The following DMXL2 variants were observed in gnomAD, a reference collection of about 807,000 sequenced individuals.
DMXL2 encodes the protein Dmx like 2.
In DMXL2, 103 loss-of-function variants were observed where a neutral mutation model predicts 331.1. That is an observed-to-expected ratio of 0.31 (90% CI 0.27 to 0.37). The LOEUF (loss-of-function observed/expected upper bound fraction) is 0.37, where lower values mean the gene tolerates loss of function less well. Among genes scored for constraint, DMXL2 ranks in the 10% least tolerant of loss-of-function variants. DMXL2 has a pLI of 1.00. For missense variants in DMXL2, 3,171 were observed against 3,642.9 expected, an observed-to-expected ratio of 0.87 and a Z score of 3.33; for synonymous variants, 1,281 against 1,252.1, an observed-to-expected ratio of 1.02 and a Z score of -0.49.
intron 13 of DMXL2, among the ~76,000 whole-genome samples, chr15:51,533,257 A>T (rs1355675631): frequency 6.6e-6 from 1 of 152,154 alleles, no homozygotes; most frequent in Non-Finnish European, 1.5e-5. Flanking sequence ...TCATGGGGTC[A>T]AGCAATCTTC....
intron 1 of DMXL2, among the ~76,000 whole-genome samples, chr15:51,582,858 T>C (rs2051536683): frequency 6.6e-6 from 1 of 151,938 alleles, no homozygotes. Context: ...AATAAGAAAA[T>C]GAAGTCACCT....
In DMXL2 at chr15:51,471,368, T is replaced by C; in HGVS notation, c.7247A>G (p.His2416Arg). 1 of 1,612,840 alleles carries C rather than the reference T, an allele frequency of 6.2e-7. No individual in the cohort carries two copies. The highest frequency in any genetic ancestry group is 8.5e-7 in the Non-Finnish European group (1 of 1,179,296). ...CATTCTCATGTTAAATCTCCTACGG[T>C]GTTTATCTATGTCTTCAGAAAGGAC... ...PPVLSEDIDKHRRRFNMRMLV... is the reference protein window; with the variant it reads ...PPVLSEDIDKRRRRFNMRMLV... Residue 2416 changes from histidine (H) to arginine (R), a missense_variant, in exon 29 of 44, where the codon CAC (histidine) becomes CGC (arginine). Around this residue, in one of 7 missense-constraint regions of DMXL2, gnomAD observed 766 missense variants for 940.5 expected, o/e 0.81. Transcript: ENST00000560891.
At chr15:51,528,442 G>A (rs1289131006) in intron 13 of DMXL2, among the ~76,000 whole-genome samples, 3 of 152,000 alleles carry the variant, frequency 2.0e-5, no homozygotes, top group African/African-American at 4.8e-5. Flanking sequence ...ATATCAGACA[G>A]ATATACTGAT....
chr15:51,589,698 T>C lies in DMXL2; in HGVS notation c.88-13517A>G, dbSNP rs74341551. ...GCATTAGATAGCTAAATGTACTTTT[T>C]TTCAGCCTTTAATAAAGTATAGAAA... is the stretch of plus-strand genomic sequence containing the variant. On this transcript the variant is annotated intron_variant, in intron 1 of 43. Transcript: ENST00000560891. 9.5e-3 allele frequency among the ~76,000 whole-genome samples: 1,449 copies of C among 152,336 alleles called. 18 individuals carry two copies. The highest frequency in any genetic ancestry group is 0.033 in the African/African-American group (1,379 of 41,566).
intron 32 of DMXL2, 87 bp from the exon 33 acceptor site, chr15:51,463,583 A>T (rs1595902427): frequency 1.3e-6 from 1 of 760,964 alleles, no homozygotes; most frequent in African/African-American, 1.8e-5. Flanking sequence ...AAACCTTCAC[A>T]ATCTATTGCA....
intron 6 of DMXL2, among the ~76,000 whole-genome samples, chr15:51,560,325 G>A (rs1366261893): frequency 1.3e-5 from 2 of 151,952 alleles, no homozygotes; most frequent in African/African-American, 4.8e-5. Flanking sequence ...CCAACTGGGG[G>A]AGGAGTAGTA....
chr15:51,488,770 C>G, intron 20 of DMXL2, 125 bp from the exon 21 acceptor site: 1 of 729,870 alleles, frequency 1.4e-6, no homozygotes, highest in East Asian at 2.8e-5. Context: ...AAAGTTGGTT[C>G]TGTTTCACAA....
chr15:51,456,112 C>T lies in DMXL2; in HGVS notation c.8480G>A (p.Gly2827Asp). 2 of 1,614,166 alleles carry T rather than the reference C, an allele frequency of 1.2e-6. No homozygotes were observed. Among genetic ancestry groups the T allele is most frequent in the Non-Finnish European group, 1.7e-6 (2 of 1,180,028 alleles). ...ATATAATCTAGTAACTCTTGCATTG[C>T]CAGCTTGACGAAAGCAGACAAGTTG... ...PQQLVCFRQA[G>D]NARVTRLYFN... Residue 2827 changes from glycine to aspartate, a missense_variant, in exon 39 of 44, where the codon GGC becomes GAC. Gly to Asp is a moderately conservative substitution (Grantham distance 94). This residue lies in a region of DMXL2 where 766 missense variants were observed against 940.5 expected (regional missense o/e 0.81). Transcript: ENST00000560891.
At chr15:51,568,246 G>A (rs1249165364) in intron 3 of DMXL2, 6 of 347,970 alleles carry the variant, frequency 1.7e-5, no homozygotes, top group Middle Eastern at 7.3e-4. Context: ...TTCAAACTAG[G>A]GTAGATCTCA....
At chr15:51,608,454 T>G (rs6493510) in intron 1 of DMXL2, among the ~76,000 whole-genome samples, 72,759 of 151,996 alleles carry the variant, frequency 0.48, 17,787 homozygotes, top group Non-Finnish European at 0.52. Context: ...CAAGAACATG[T>G]ATGTAGTTGG....
Position 51,464,763 on chromosome 15 carries a change from T to C in DMXL2, c.7720A>G (p.Asn2574Asp). 1.2e-6 allele frequency: 2 copies of C among 1,614,142 alleles called. No homozygotes were observed. Among genetic ancestry groups the C allele is most frequent in the Non-Finnish European group, 1.7e-6 (2 of 1,179,998 alleles). ...ACTGAAAGGTCAGTTGGATATGTGT[T>C]GATATAGTTAGGGGGTGGACCTTCA... ...QFEGPPPNYI[N>D]TYPTDLSVGA... The change falls in exon 32 of 44, where the codon AAC becomes GAC. Residue 2574 changes from asparagine to aspartate, a missense_variant. This residue lies in a region of DMXL2 where 766 missense variants were observed against 940.5 expected (regional missense o/e 0.81). Transcript: ENST00000560891.
chr15:51,589,630 G>T (rs1282754863), intron 1 of DMXL2, among the ~76,000 whole-genome samples: 1 of 152,198 alleles, frequency 6.6e-6, no homozygotes, highest in Non-Finnish European at 1.5e-5. Context: ...AAAGTTATCT[G>T]TGATTGCTTG....
At chr15:51,532,178 G>A (rs549971103) in intron 13 of DMXL2, among the ~76,000 whole-genome samples, 7 of 151,728 alleles carry the variant, frequency 4.6e-5, no homozygotes, top group South Asian at 2.1e-4. Context: ...ACTTACATAC[G>A]ACAGAGTACT....
chr15:51,448,963 A>G lies in DMXL2; in HGVS notation c.*21T>C. On this transcript the variant is annotated 3_prime_UTR_variant, in exon 44 of 44. Transcript: ENST00000560891. ...AGTGTGCCTTTTAACTGAAATGTAT[A>G]TAAAAATAAAACCCCAATCTTTATA... 1.9e-6 allele frequency: 3 copies of G among 1,611,286 alleles called. No homozygotes were observed. The highest frequency in any genetic ancestry group is 2.5e-6 in the Non-Finnish European group (3 of 1,178,296).
chr15:51,475,860 C>A (rs966631723), intron 27 of DMXL2, among the ~76,000 whole-genome samples: 2 of 151,352 alleles, frequency 1.3e-5, no homozygotes, highest in South Asian at 2.1e-4. Flanking sequence ...TCAAATTTTT[C>A]AAAAAAAATA....
At chr15:51,582,137 A>G (rs1263491331) in intron 1 of DMXL2, among the ~76,000 whole-genome samples, 2 of 152,308 alleles carry the variant, frequency 1.3e-5, no homozygotes, top group African/African-American at 2.4e-5. Flanking sequence ...GGTGACAAGT[A>G]TTATACTATT....
At chr15:51,490,546 G>C (rs1039646787) in intron 20 of DMXL2, among the ~76,000 whole-genome samples, 1 of 152,170 alleles carries the variant, frequency 6.6e-6, no homozygotes, top group African/African-American at 2.4e-5. Flanking sequence ...AAGTAGAAAA[G>C]GCACAGGCTA....
chr15:51,448,755 G>C lies in DMXL2; in HGVS notation c.*229C>G. Reference sequence around the variant, plus strand: ...GGTTTGCTAAATGCTGTAAAGAATAGCTATCCTTCATACAATACTAGGTTT... The same window carrying C: ...GGTTTGCTAAATGCTGTAAAGAATACCTATCCTTCATACAATACTAGGTTT... On this transcript the variant is annotated 3_prime_UTR_variant, in exon 44 of 44. Coordinates refer to ENST00000560891, the MANE Select transcript of DMXL2 (RefSeq NM_001378457.1). 9.4e-6 allele frequency: 5 copies of C among 532,166 alleles called. No individual in the cohort carries two copies. In the South Asian group the frequency reaches 1.4e-4, roughly 14 times the overall value. 33.0% of individuals were successfully genotyped at this position (532,166 alleles called of 1,614,324 possible).
intron 41 of DMXL2, 106 bp from the exon 42 acceptor site, chr15:51,451,803 CT>C: frequency 2.1e-6 from 2 of 957,962 alleles, no homozygotes; most frequent in South Asian, 1.5e-5. Context: ...TCATTCTTAT[CT>C]TTTTTGTTCA....
Sources: gnomAD v4.1 joint callset for allele counts (sites outside exome capture counted in the v4.1 genomes callset) on GRCh38, gnomAD v4.1.1 for gene constraint, gnomAD v4.1.1 regional missense constraint, MANE v1.5 for transcripts, NCBI Gene and HGNC (gene_info 2026-07-23, HGNC 2026-07-21) for gene names.